Variants in GATAD2B observed in about 807,000 individuals in gnomAD.
The protein encoded by GATAD2B is transcriptional repressor p66-beta.
In GATAD2B, 8 loss-of-function variants were observed where a neutral mutation model predicts 64.3. The ratio of observed to expected loss-of-function variants is 0.12; its 90% CI spans 0.07 to 0.22. GATAD2B has a LOEUF of 0.22. Ranked by LOEUF, GATAD2B falls within the 10% of genes least tolerant of loss-of-function variation. The pLI is 1.00. For synonymous variants in GATAD2B, 281 were observed against 271.3 expected, an observed-to-expected ratio of 1.04 and a Z score of -0.35; for missense variants, 453 against 752.0, an observed-to-expected ratio of 0.60 and a Z score of 4.65.
At chr1:153,871,257 G>A (rs1374620957) in intron 1 of GATAD2B, among the ~76,000 whole-genome samples, 1 of 152,024 alleles carries the variant, frequency 6.6e-6, no homozygotes. Context: ...AATAGAGACG[G>A]GGTTTCACTA....
intron 1 of GATAD2B, among the ~76,000 whole-genome samples, chr1:153,892,163 C>CAAAAAAAAAAAAAA (rs900308080): frequency 2.0e-5 from 1 of 50,336 alleles, no homozygotes; most frequent in Non-Finnish European, 4.0e-5. Context: ...GACTCCGTCT[C>CAAAAAAAAAAAAAA]AAAAAAAAAA....
At chr1:153,910,552 C>T (rs1346911991) in intron 1 of GATAD2B, among the ~76,000 whole-genome samples, 4 of 152,044 alleles carry the variant, frequency 2.6e-5, no homozygotes, top group African/African-American at 9.7e-5. Context: ...CCAGCCTGGC[C>T]GACATGGTGA....
In GATAD2B at chr1:153,809,920, A is replaced by AC. The variant is rs1178048864; in HGVS notation, c.*256dup. 2.6e-6 allele frequency: 1 copy of AC among 379,108 alleles called. No homozygotes were observed. 23.5% of individuals were successfully genotyped at this position (379,108 alleles called of 1,614,324 possible). On this transcript the variant is annotated 3_prime_UTR_variant, in exon 11 of 11. Transcript: ENST00000368655. ...TGACCTCTATCAGAGGTAAAGATCCACCTCACTGTTAAAGAAAACTGAAGA... is the reference window on the plus strand; with the variant it reads ...TGACCTCTATCAGAGGTAAAGATCCACCCTCACTGTTAAAGAAAACTGAAGA...
chr1:153,878,517 C>T (rs998803628), intron 1 of GATAD2B, among the ~76,000 whole-genome samples: 9 of 152,170 alleles, frequency 5.9e-5, no homozygotes, highest in East Asian at 1.9e-4. Context: ...AAAATACAGA[C>T]GTTCAAAGAC....
At chr1:153,886,806 A>G (rs1677200571) in intron 1 of GATAD2B, among the ~76,000 whole-genome samples, 1 of 151,220 alleles carries the variant, frequency 6.6e-6, no homozygotes, top group Non-Finnish European at 1.5e-5. Flanking sequence ...TGATCCGCCC[A>G]CCTCAGCCTC....
chr1:153,841,764 GT>G (rs1042471660), intron 1 of GATAD2B, among the ~76,000 whole-genome samples: 2 of 152,156 alleles, frequency 1.3e-5, no homozygotes, highest in Non-Finnish European at 2.9e-5. Context: ...TCATGGGAAA[GT>G]TTTTGTAGAA....
intron 1 of GATAD2B, among the ~76,000 whole-genome samples, chr1:153,911,760 A>C (rs1250883829): frequency 6.6e-6 from 1 of 152,018 alleles, no homozygotes; most frequent in African/African-American, 2.4e-5. Flanking sequence ...AAACAAAAAA[A>C]ACAAAGCCAA....
Position 153,819,023 on chromosome 1 carries a change from C to T in GATAD2B, c.466-101G>A, listed in dbSNP as rs1357378046. On this transcript the variant is annotated intron_variant, in intron 3 of 10. Coordinates refer to ENST00000368655, the MANE Select transcript of GATAD2B (RefSeq NM_020699.4). ...TCTTAGCTCTGAAACCTTCATCTTCCACAAGAAGCAGAAGTGGCAATAGGA... is the reference window on the plus strand; with the variant it reads ...TCTTAGCTCTGAAACCTTCATCTTCTACAAGAAGCAGAAGTGGCAATAGGA... The T allele has an allele frequency of 3.3e-6, 4 of 1,207,762 alleles. No individual in the cohort carries two copies. In the East Asian group the frequency reaches 7.1e-5, roughly 22 times the overall value. The allele number at this position is 1,207,762 out of a possible 1,614,324, so 74.8% of individuals were successfully genotyped here. A position where few individuals can be genotyped will look rare whatever the true frequency, so the allele number is the denominator to read the frequency against.
intron 7 of GATAD2B, among the ~76,000 whole-genome samples, chr1:153,815,285 A>C (rs1286039134): frequency 3.6e-4 from 50 of 140,002 alleles, no homozygotes; most frequent in Admixed American, 5.7e-4. Flanking sequence ...AAAAACAAAA[A>C]AAAAAAACAA....
rs557274980 is a variant in GATAD2B at position 153,891,769 on chromosome 1, T to G, written c.-2+30964A>C. Among the ~76,000 whole-genome samples the G allele has an allele frequency of 6.6e-5, 10 of 151,904 alleles. No individual in the cohort carries two copies. In the South Asian group the frequency reaches 1.9e-3, roughly 28 times the overall value. ...TTCCAATTGTAAATTCTGTACCATG[T>G]GCATATATCACCTATCCAAAAACTG... On this transcript the variant is annotated intron_variant, in intron 1 of 10. Coordinates refer to ENST00000368655, the MANE Select transcript of GATAD2B (RefSeq NM_020699.4).
chr1:153,840,055 G>A (rs1202096913), intron 1 of GATAD2B, among the ~76,000 whole-genome samples: 2 of 130,226 alleles, frequency 1.5e-5, no homozygotes, highest in South Asian at 2.4e-4. Context: ...TTTTTGAGAC[G>A]GAGTCTCACT....
intron 2 of GATAD2B, among the ~76,000 whole-genome samples, chr1:153,824,274 A>T (rs1003510199): frequency 3.3e-5 from 5 of 152,186 alleles, no homozygotes; most frequent in African/African-American, 1.2e-4. Context: ...TGGGCAACAC[A>T]GCAACACCTC....
At chr1:153,858,898 G>GA (rs1464760770) in intron 1 of GATAD2B, among the ~76,000 whole-genome samples, 3 of 152,122 alleles carry the variant, frequency 2.0e-5, no homozygotes, top group East Asian at 1.9e-4. Flanking sequence ...AGTCCTGTCA[G>GA]AAAAAATAAC....
chr1:153,856,628 T>A (rs567070003), intron 1 of GATAD2B, among the ~76,000 whole-genome samples: 2 of 152,222 alleles, frequency 1.3e-5, no homozygotes, highest in African/African-American at 4.8e-5. Context: ...TAAAAATGTC[T>A]ACTGAGCACG....
intron 4 of GATAD2B, 91 bp downstream of exon 4, chr1:153,818,700 G>A: frequency 1.8e-6 from 2 of 1,120,334 alleles, no homozygotes; most frequent in South Asian, 1.5e-5. Flanking sequence ...GAGAAGAAAT[G>A]AGCCACCCAA....
chr1:153,818,746 T>C (rs1406844135), intron 4 of GATAD2B, 45 bp downstream of exon 4: 2 of 1,591,604 alleles, frequency 1.3e-6, no homozygotes, highest in Non-Finnish European at 1.7e-6. Context: ...CTCAAACCAG[T>C]TTTTCTTTCC....
At chr1:153,842,424 T>C (rs1675529726) in intron 1 of GATAD2B, among the ~76,000 whole-genome samples, 1 of 152,182 alleles carries the variant, frequency 6.6e-6, no homozygotes, top group Non-Finnish European at 1.5e-5. Context: ...AAACATTAGA[T>C]AAATCTGAAG....
intron 1 of GATAD2B, among the ~76,000 whole-genome samples, chr1:153,905,649 T>A (rs1013173604): frequency 1.3e-5 from 2 of 149,630 alleles, no homozygotes; most frequent in Non-Finnish European, 3.0e-5. Flanking sequence ...AACAGTGTGG[T>A]AGCCCGGCAT....
intron 1 of GATAD2B, among the ~76,000 whole-genome samples, chr1:153,891,087 G>A (rs1167145241): frequency 6.6e-6 from 1 of 152,004 alleles, no homozygotes; most frequent in Non-Finnish European, 1.5e-5. Flanking sequence ...AGGAGGCTGA[G>A]GAAGGAGAAC....
Sources: allele counts gnomAD v4.1 joint callset (sites outside exome capture counted in the v4.1 genomes callset), GRCh38; gene constraint gnomAD v4.1.1; transcripts MANE v1.5; gene names NCBI Gene and HGNC (gene_info 2026-07-23, HGNC 2026-07-21).